Variants in NCKAP5 observed in about 807,000 individuals in gnomAD.
NCKAP5 encodes NCK associated protein 5, also known as nck-associated protein 5.
Under a neutral mutation model 167.0 loss-of-function variants are expected in NCKAP5, and 92 were observed. That is an observed-to-expected ratio of 0.55 (90% confidence interval 0.47 to 0.66). The LOEUF is 0.66. Ranked by LOEUF, NCKAP5 falls within the 30% of genes least tolerant of loss-of-function variation. The pLI is 0.00. For missense variants in NCKAP5, 2,378 were observed against 2,315.0 expected (o/e 1.03, Z -0.56); for synonymous variants, 891 against 877.4 (o/e 1.02, Z -0.27).
At position 133,330,900 on chromosome 2, in the gene NCKAP5, A is replaced by T. The variant is rs555064067; in HGVS notation, c.70-27790T>A. Among the ~76,000 whole-genome samples, 4 of 152,294 alleles carry T rather than the reference A, an allele frequency of 2.6e-5. No individual in the cohort carries two copies. In the South Asian group the frequency reaches 8.3e-4, roughly 32 times the overall value. On this transcript the variant is annotated intron_variant, in intron 3 of 19. Coordinates refer to ENST00000409261, the MANE Select transcript of NCKAP5 (RefSeq NM_207363.3). ...CTACAGAGGGAGACCCTGTATTAAA[A>T]AAAAGAAGAAAGTATTAAGCATATA...
chr2:132,880,454 A>G (rs1290716305), intron 8 of NCKAP5, among the ~76,000 whole-genome samples: 2 of 151,944 alleles, frequency 1.3e-5, no homozygotes, highest in Admixed American at 6.6e-5. Context: ...ACAGGGTGAA[A>G]CCCCATCTCT....
At position 133,238,409 on chromosome 2, in the gene NCKAP5, A is replaced by G. The variant is rs190055504; in HGVS notation, c.144-24630T>C. Among the ~76,000 whole-genome samples the G allele has an allele frequency of 5.9e-4, 90 of 152,312 alleles. 1 individual carries two copies. The East Asian group carries it at 0.015, about 26-fold the overall frequency. ...CACTGCCAGGGCCACAGGACCGCAG[A>G]GCCTATAGCATTCTCTCTATGACTA... On this transcript the variant is annotated intron_variant, in intron 4 of 19. Transcript: ENST00000409261.
At chr2:133,341,284 ATTT>A (rs11362448) in intron 3 of NCKAP5, among the ~76,000 whole-genome samples, 1 of 145,760 alleles carries the variant, frequency 6.9e-6, no homozygotes. Context: ...AAGTGAGCAG[ATTT>A]TTTTTTTTTT....
chr2:133,001,302 C>T (rs1375110338), intron 6 of NCKAP5, among the ~76,000 whole-genome samples: 1 of 151,158 alleles, frequency 6.6e-6, no homozygotes, highest in Non-Finnish European at 1.5e-5. Context: ...TCACTGCAAC[C>T]TTTGCTTCCC....
rs77958110 is a variant in NCKAP5 at position 133,565,532 on chromosome 2, G to C, written c.-130+2684C>G. Among the ~76,000 whole-genome samples, 181 of 152,342 alleles carry C rather than the reference G, an allele frequency of 1.2e-3. 1 individual carries two copies. Among genetic ancestry groups the C allele is most frequent in the Non-Finnish European group, 2.1e-3 (140 of 68,028 alleles). ...CCGGCAAGTGGCAGAAGCAGGACTT[G>C]AGCCTGGGCAGGCCAGTTCCAGAGT... On this transcript the variant is annotated intron_variant, in intron 1 of 19. Coordinates refer to ENST00000409261, the MANE Select transcript of NCKAP5 (RefSeq NM_207363.3).
intron 2 of NCKAP5, among the ~76,000 whole-genome samples, chr2:133,518,014 T>A (rs1394455589): frequency 2.0e-5 from 3 of 152,138 alleles, no homozygotes; most frequent in Admixed American, 6.6e-5. Flanking sequence ...CAAGGCCCAA[T>A]GAAGGGAAAC....
chr2:132,686,394 T>C (rs1209988952), intron 19 of NCKAP5, among the ~76,000 whole-genome samples: 1 of 152,154 alleles, frequency 6.6e-6, no homozygotes, highest in Admixed American at 6.5e-5. Context: ...TCTGAATTCT[T>C]TTCTGACCAG....
chr2:133,672,154 G>A, the NCKAP5 span, among the ~76,000 whole-genome samples: 1 of 152,200 alleles, frequency 6.6e-6, no homozygotes, highest in East Asian at 1.9e-4. Flanking sequence ...AAGGAAAGGA[G>A]GAGCTAAGAG....
chr2:132,674,188 C>T (rs907621924), intron 19 of NCKAP5, among the ~76,000 whole-genome samples: 1 of 152,186 alleles, frequency 6.6e-6, no homozygotes, highest in Admixed American at 6.5e-5. Flanking sequence ...TCCATCCAAA[C>T]ACAGGAAAGA....
chr2:133,656,536 T>C, the NCKAP5 span, among the ~76,000 whole-genome samples: 2 of 152,166 alleles, frequency 1.3e-5, no homozygotes, highest in Non-Finnish European at 1.5e-5. Flanking sequence ...AAAGTGGTCA[T>C]GGGGGAAGAA....
chr2:132,737,665 T>C (rs1691646492), intron 16 of NCKAP5, among the ~76,000 whole-genome samples: 1 of 152,166 alleles, frequency 6.6e-6, no homozygotes, highest in African/African-American at 2.4e-5. Flanking sequence ...AGTGTCTTCA[T>C]TTGCAAATTA....
intron 6 of NCKAP5, among the ~76,000 whole-genome samples, chr2:133,034,882 AAATAAC>A (rs771050885): frequency 6.6e-6 from 1 of 152,024 alleles, no homozygotes; most frequent in Non-Finnish European, 1.5e-5. Flanking sequence ...ACCAGATAAC[AAATAAC>A]AAAATGGCAG....
At chr2:132,884,680 G>GA (rs1692071802) in intron 8 of NCKAP5, among the ~76,000 whole-genome samples, 1 of 152,138 alleles carries the variant, frequency 6.6e-6, no homozygotes. Flanking sequence ...ACCTTTTGTG[G>GA]AGTCTGCTGA....
At chr2:133,381,517 C>T (rs979880154) in intron 3 of NCKAP5, 1 of 152,176 alleles carries the variant, frequency 6.6e-6, no homozygotes, top group African/African-American at 2.4e-5. Flanking sequence ...TACCATTCCT[C>T]AAACTGTTTG....
intron 5 of NCKAP5, among the ~76,000 whole-genome samples, chr2:133,182,149 A>G (rs190573629): frequency 6.6e-6 from 1 of 152,320 alleles, no homozygotes; most frequent in Non-Finnish European, 1.5e-5. Flanking sequence ...CAAATACACA[A>G]TTATAGTTGT....
At chr2:133,137,928 C>G (rs1025624089) in intron 5 of NCKAP5, among the ~76,000 whole-genome samples, 19 of 152,314 alleles carry the variant, frequency 1.2e-4, no homozygotes, top group Admixed American at 1.1e-3. Context: ...TGCCCCTGTA[C>G]CCTTTCCCCA....
At position 133,156,161 on chromosome 2, in the gene NCKAP5, G is replaced by C. The variant is rs116229610; in HGVS notation, c.208-26050C>G. Among the ~76,000 whole-genome samples, 824 of 152,234 alleles carry C rather than the reference G, an allele frequency of 5.4e-3. 3 individuals are homozygous for C. Among genetic ancestry groups the C allele is most frequent in the South Asian group, 0.011 (51 of 4,824 alleles). On this transcript the variant is annotated intron_variant, in intron 5 of 19. Transcript: ENST00000409261. ...TCAGATGTGCCATCTATTTCCCATTGGACTACTCTTTGGTACAATGCACCT... is the reference window on the plus strand; with the variant it reads ...TCAGATGTGCCATCTATTTCCCATTCGACTACTCTTTGGTACAATGCACCT...
chr2:132,778,481 T>A (rs1303574270), intron 15 of NCKAP5, among the ~76,000 whole-genome samples: 1 of 152,114 alleles, frequency 6.6e-6, no homozygotes, highest in Non-Finnish European at 1.5e-5. Flanking sequence ...TATATTAGAA[T>A]ACTAAAAATG....
intron 3 of NCKAP5, among the ~76,000 whole-genome samples, chr2:133,356,359 C>T (rs1391117478): frequency 6.6e-6 from 1 of 152,204 alleles, no homozygotes; most frequent in African/African-American, 2.4e-5. Context: ...GGGGCCCTGT[C>T]TGTGCAGAGA....
Sources: allele counts gnomAD v4.1 joint callset (sites outside exome capture counted in the v4.1 genomes callset), GRCh38; gene constraint gnomAD v4.1.1; transcripts MANE v1.5; gene names NCBI Gene and HGNC (gene_info 2026-07-23, HGNC 2026-07-21).